Variants in TTLL11 observed in about 807,000 individuals in gnomAD.
TTLL11 encodes tubulin polyglutamylase TTLL11.
A neutral mutation model predicts 51.7 loss-of-function variants in TTLL11; 42 were observed. The observed-to-expected ratio is 0.81, with a 90% CI of 0.64 to 1.05. TTLL11 has a LOEUF of 1.05. Among genes scored for constraint, TTLL11 ranks in the 50% least tolerant of loss-of-function variants. The pLI is 0.00. For missense variants in TTLL11, 799 were observed against 940.4 expected, an observed-to-expected ratio of 0.85 and a Z score of 1.97; for synonymous variants, 381 against 383.5, an observed-to-expected ratio of 0.99 and a Z score of 0.08.
chr9:121,985,508 C>CTTTTTTTT lies in TTLL11; in HGVS notation c.1269+3686_1269+3687insAAAAAAAA, dbSNP rs766262272. 1.3e-4 allele frequency among the ~76,000 whole-genome samples: 17 copies of CTTTTTTTT among 131,336 alleles called. 1 individual carries two copies. Among genetic ancestry groups the CTTTTTTTT allele is most frequent in the African/African-American group, 3.6e-4 (12 of 33,142 alleles). The allele number at this position is 131,336 out of a possible 152,430, so 86.2% of individuals were successfully genotyped here. ...TCCAAGGAGAAAAGGATACCATTTT[C>CTTTTTTTT]TTTTCTTTTTTTTTTTTTTTTTTTT... is the stretch of plus-strand genomic sequence containing the variant. On this transcript the variant is annotated intron_variant, in intron 4 of 8. Coordinates refer to ENST00000321582, the MANE Select transcript of TTLL11 (RefSeq NM_001139442.2).
At chr9:122,020,156 T>C (rs1300052251) in intron 3 of TTLL11, among the ~76,000 whole-genome samples, 3 of 152,374 alleles carry the variant, frequency 2.0e-5, no homozygotes, top group South Asian at 4.1e-4. Context: ...GACTCCACAC[T>C]GCTCATCATT....
At chr9:122,048,924 G>A (rs1845087868) in intron 1 of TTLL11, among the ~76,000 whole-genome samples, 1 of 151,656 alleles carries the variant, frequency 6.6e-6, no homozygotes, top group South Asian at 2.1e-4. Flanking sequence ...GATCATCAGT[G>A]TATCCCTAAC....
chr9:121,912,283 G>C (rs1488310498), intron 6 of TTLL11, among the ~76,000 whole-genome samples: 1 of 152,174 alleles, frequency 6.6e-6, no homozygotes, highest in Admixed American at 6.5e-5. Flanking sequence ...GTGCCTGCCA[G>C]GCCTCTGTGG....
At chr9:121,834,212 A>G (rs114535693) in intron 8 of TTLL11, among the ~76,000 whole-genome samples, 2,004 of 152,290 alleles carry the variant, frequency 0.013, 53 homozygotes, top group African/African-American at 0.046. Flanking sequence ...CTTGCAGCCC[A>G]GCTCCCTGTC....
At chr9:121,858,855 A>G (rs183710918) in intron 8 of TTLL11, among the ~76,000 whole-genome samples, 2 of 152,324 alleles carry the variant, frequency 1.3e-5, no homozygotes, top group Admixed American at 1.3e-4. Context: ...GGCATAATCA[A>G]TTCTAATCTG....
At chr9:121,971,800 C>T (rs867823046) in intron 6 of TTLL11, among the ~76,000 whole-genome samples, 2 of 147,118 alleles carry the variant, frequency 1.4e-5, no homozygotes, top group South Asian at 2.1e-4. Flanking sequence ...TACTATGCAG[C>T]CATAAAAAAG....
At chr9:122,073,912 C>T (rs78446148) in intron 1 of TTLL11, among the ~76,000 whole-genome samples, 6,299 of 152,240 alleles carry the variant, frequency 0.041, 422 homozygotes, top group African/African-American at 0.14. Flanking sequence ...TCATCAGCTA[C>T]GTCTGCTTCC....
chr9:121,940,557 C>G (rs1224139120), intron 6 of TTLL11, among the ~76,000 whole-genome samples: 1 of 152,048 alleles, frequency 6.6e-6, no homozygotes, highest in Non-Finnish European at 1.5e-5. Flanking sequence ...TTCACTATGT[C>G]TCGAACTCCT....
rs375725164 is a variant in TTLL11 at position 121,904,044 on chromosome 9, G to A, written c.1482-33296C>T. Among the ~76,000 whole-genome samples the A allele has an allele frequency of 3.3e-5, 5 of 152,272 alleles. No individual in the cohort carries two copies. In the South Asian group the frequency reaches 6.2e-4, roughly 19 times the overall value. ...TAAGCCTGTCCATGAAACATAAACC[G>A]CGTTAATTCCCATATTCATGACAGA... On this transcript the variant is annotated intron_variant, in intron 6 of 8. Transcript: ENST00000321582.
chr9:121,870,397 C>T, intron 7 of TTLL11, 100 bp downstream of exon 7: 1 of 1,441,448 alleles, frequency 6.9e-7, no homozygotes, highest in Non-Finnish European at 9.2e-7. Flanking sequence ...CCCAGCACCA[C>T]AGATTCTCCC....
intron 6 of TTLL11, among the ~76,000 whole-genome samples, chr9:121,902,829 G>A (rs1263102473): frequency 2.6e-5 from 4 of 152,136 alleles, no homozygotes; most frequent in Admixed American, 6.5e-5. Flanking sequence ...CTTCTAGTTC[G>A]TCATTGTAAC....
intron 8 of TTLL11, among the ~76,000 whole-genome samples, chr9:121,831,859 C>T (rs1021854304): frequency 1.3e-5 from 2 of 152,134 alleles, no homozygotes; most frequent in African/African-American, 2.4e-5. Flanking sequence ...CTGCAAAATA[C>T]CATAGCCTGG....
rs573004273 is a variant in TTLL11, at chr9:122,079,294, T to C, written c.462+13393A>G. 3.3e-4 allele frequency among the ~76,000 whole-genome samples: 50 copies of C among 152,356 alleles called. No individual in the cohort carries two copies. The South Asian group carries it at 0.01, about 31-fold the overall frequency. ...ATAGGTATGAAGTGGTATTTCACTG[T>C]GGTTTTGATTTTCATTTCCCTAATA... On this transcript the variant is annotated intron_variant, in intron 1 of 8. Transcript: ENST00000321582.
At chr9:122,037,222 C>T (rs190146779) in intron 2 of TTLL11, among the ~76,000 whole-genome samples, 4 of 152,336 alleles carry the variant, frequency 2.6e-5, no homozygotes, top group Admixed American at 2.6e-4. Context: ...CTCTTCCAAA[C>T]TGTATTCTCC....
intron 8 of TTLL11, among the ~76,000 whole-genome samples, chr9:121,826,961 T>G (rs1836829835): frequency 6.6e-6 from 1 of 152,066 alleles, no homozygotes; most frequent in East Asian, 1.9e-4. Flanking sequence ...CCAAAGGGAC[T>G]AAACCCAGAG....
chr9:122,053,909 G>A (rs528937927), intron 1 of TTLL11, among the ~76,000 whole-genome samples: 141 of 152,194 alleles, frequency 9.3e-4, no homozygotes, highest in Non-Finnish European at 1.3e-3. Context: ...TAAAGGCGCC[G>A]TCTGGCTCCA....
chr9:121,990,328 A>T (rs529090900), intron 3 of TTLL11, among the ~76,000 whole-genome samples: 11 of 152,352 alleles, frequency 7.2e-5, no homozygotes, highest in African/African-American at 2.2e-4. Flanking sequence ...GACTTAAGTT[A>T]TCTACACCCT....
chr9:122,047,287 G>T (rs1845034752), intron 1 of TTLL11, among the ~76,000 whole-genome samples: 1 of 152,220 alleles, frequency 6.6e-6, no homozygotes, highest in Non-Finnish European at 1.5e-5. Flanking sequence ...GGCAATTTGA[G>T]CTGAGATTGG....
intron 8 of TTLL11, among the ~76,000 whole-genome samples, chr9:121,856,879 T>G (rs1348392024): frequency 6.6e-6 from 1 of 152,186 alleles, no homozygotes; most frequent in African/African-American, 2.4e-5. Flanking sequence ...CTGCTGACAC[T>G]TGGCAAAAGG....
Sources: allele counts gnomAD v4.1 joint callset (sites outside exome capture counted in the v4.1 genomes callset), GRCh38; gene constraint gnomAD v4.1.1; transcripts MANE v1.5; gene names NCBI Gene and HGNC (gene_info 2026-07-23, HGNC 2026-07-21).